CDC123: variants seen among roughly 807,000 people sequenced by gnomAD.
CDC123 encodes cell division cycle 123.
Under a neutral mutation model 54.4 loss-of-function variants are expected in CDC123, and 37 were observed. The ratio of observed to expected loss-of-function variants is 0.68; its 90% CI spans 0.52 to 0.89. The LOEUF (loss-of-function observed/expected upper bound fraction) is 0.89. Among genes scored for constraint, CDC123 ranks in the 40% least tolerant of loss-of-function variants. The pLI is 0.00. For synonymous variants in CDC123, 144 were observed against 136.8 expected (o/e 1.05, Z -0.37); for missense variants, 361 against 412.1 (o/e 0.88, Z 1.07).
intron 2 of CDC123, among the ~76,000 whole-genome samples, chr10:12,201,239 C>A (rs35800395): frequency 0.5 from 75,265 of 152,034 alleles, 19,184 homozygotes; most frequent in Middle Eastern, 0.62. Flanking sequence ...GTCTAATGCC[C>A]ACTATATTGT....
chr10:12,248,731 G>C (rs4750193), intron 11 of CDC123, among the ~76,000 whole-genome samples: 75,584 of 151,440 alleles, frequency 0.5, 19,732 homozygotes, highest in Middle Eastern at 0.62. Context: ...GCTTGAACCT[G>C]GGAGGTGGAG....
Position 12,246,168 on chromosome 10 carries a change from A to G in CDC123, c.737A>G (p.Asp246Gly). 4 of 1,614,084 alleles carry G rather than the reference A, an allele frequency of 2.5e-6. No individual in the cohort carries two copies. The highest frequency in any genetic ancestry group is 3.4e-6 in the Non-Finnish European group (4 of 1,179,966). Residue 246 changes from aspartate to glycine, a missense_variant, in exon 11 of 13, where the codon GAC (aspartate) becomes GGC (glycine). Transcript: ENST00000281141. ...RDSRGKVWLI[D>G]FNPFGEVTDS... The stretch of plus-strand genomic sequence containing the variant: ...CTACAGGGGAAGGTGTGGCTCATTG[A>G]CTTTAATCCATTTGGTGAAGTCACA...
At chr10:12,198,870 T>A (rs1835399969) in intron 2 of CDC123, 94 bp downstream of exon 2, 1 of 716,376 alleles carries the variant, frequency 1.4e-6, no homozygotes, top group Non-Finnish European at 2.5e-6. Flanking sequence ...TCCCTTTAGC[T>A]CTTTTTCTCT....
At chr10:12,225,661 T>C (rs893479546) in intron 6 of CDC123, among the ~76,000 whole-genome samples, 7 of 148,192 alleles carry the variant, frequency 4.7e-5, no homozygotes, top group Non-Finnish European at 7.5e-5. Flanking sequence ...AATCACCCAA[T>C]ACCATCTGCC....
chr10:12,205,790 A>G (rs1835510935), intron 2 of CDC123, among the ~76,000 whole-genome samples: 1 of 151,886 alleles, frequency 6.6e-6, no homozygotes. Flanking sequence ...GCCAAGTCTA[A>G]TAAACTTTCA....
chr10:12,199,563 C>T lies in CDC123; in HGVS notation c.146+787C>T, dbSNP rs553351582. The stretch of plus-strand genomic sequence containing the variant: ...TGATATAGCAGAAGTGCTTGATAAA[C>T]ATTTGTTGGATGAAGGAACTATAGA... On this transcript the variant is annotated intron_variant, in intron 2 of 12. Coordinates refer to ENST00000281141, the MANE Select transcript of CDC123 (RefSeq NM_006023.3). Among the ~76,000 whole-genome samples, 15 of 152,266 alleles carry T rather than the reference C, an allele frequency of 9.9e-5. No homozygotes were observed. The South Asian group carries it at 3.1e-3, about 32-fold the overall frequency.
intron 5 of CDC123, 81 bp downstream of exon 5, chr10:12,215,916 G>T: frequency 1.3e-6 from 1 of 786,752 alleles, no homozygotes; most frequent in African/African-American, 1.8e-5. Flanking sequence ...CCTACAGAGG[G>T]TCTAATTATA....
chr10:12,205,962 C>A (rs765382137), intron 2 of CDC123, among the ~76,000 whole-genome samples: 2 of 149,200 alleles, frequency 1.3e-5, no homozygotes, highest in Non-Finnish European at 1.5e-5. Flanking sequence ...CCACGCCCAG[C>A]TAATTTTTTT....
intron 2 of CDC123, among the ~76,000 whole-genome samples, chr10:12,200,119 C>CCTTTTTTT (rs1564431631): frequency 0.02 from 482 of 24,194 alleles, 13 homozygotes; most frequent in African/African-American, 0.052. Context: ...CCGCACTCGG[C>CCTTTTTTT]ATTTTTTTTT....
chr10:12,232,783 CCTTT>C, intron 7 of CDC123, among the ~76,000 whole-genome samples: 1 of 122,650 alleles, frequency 8.2e-6, no homozygotes, highest in Non-Finnish European at 1.9e-5. Flanking sequence ...CATTTCCTTA[CCTTT>C]CTTTTTTTTT....
chr10:12,198,936 A>C, intron 2 of CDC123, 160 bp downstream of exon 2: 5 of 544,432 alleles, frequency 9.2e-6, no homozygotes, highest in South Asian at 2.4e-5. Context: ...ATGTTCACTT[A>C]ATATTTTCAA....
chr10:12,245,675 A>G (rs960761849), intron 10 of CDC123: 1 of 152,478 alleles, frequency 6.6e-6, no homozygotes, highest in African/African-American at 2.4e-5. Context: ...CCCTCCCTTT[A>G]GATCTCTGTC....
intron 11 of CDC123, chr10:12,247,475 T>G (rs1197181596): frequency 6.8e-6 from 1 of 146,868 alleles, no homozygotes; most frequent in Non-Finnish European, 1.5e-5. Flanking sequence ...TGTCCCCCTC[T>G]CTCACCTCCC....
intron 5 of CDC123, among the ~76,000 whole-genome samples, chr10:12,216,883 C>T (rs1456560375): frequency 6.6e-6 from 1 of 152,166 alleles, no homozygotes; most frequent in African/African-American, 2.4e-5. Flanking sequence ...AATAGCTCAC[C>T]TCCTTCTCTT....
chr10:12,219,286 T>C (rs1003429647), intron 6 of CDC123, among the ~76,000 whole-genome samples: 1 of 152,196 alleles, frequency 6.6e-6, no homozygotes, highest in African/African-American at 2.4e-5. Flanking sequence ...ATGTTTATTG[T>C]ATAAGGATTT....
chr10:12,206,709 A>G (rs986978685), intron 2 of CDC123, among the ~76,000 whole-genome samples: 1 of 152,170 alleles, frequency 6.6e-6, no homozygotes, highest in South Asian at 2.1e-4. Context: ...CTGTAATCCC[A>G]GTGCTTTAGG....
chr10:12,248,866 T>C (rs1836196080), intron 11 of CDC123, among the ~76,000 whole-genome samples: 2 of 151,996 alleles, frequency 1.3e-5, no homozygotes, highest in African/African-American at 2.4e-5. Flanking sequence ...TCCCAGCACT[T>C]TGGGAGGCCG....
chr10:12,221,792 T>C (rs1455158272), intron 6 of CDC123, among the ~76,000 whole-genome samples: 5 of 151,450 alleles, frequency 3.3e-5, no homozygotes, highest in Non-Finnish European at 7.4e-5. Flanking sequence ...TTTATTTATT[T>C]TTTATTTACT....
chr10:12,209,349 G>A (rs754750474), intron 2 of CDC123, among the ~76,000 whole-genome samples: 25 of 152,046 alleles, frequency 1.6e-4, no homozygotes, highest in Non-Finnish European at 2.9e-4. Context: ...GGATCCTTCT[G>A]TGTCAGCTTC....
Sources: allele counts gnomAD v4.1 joint callset (sites outside exome capture counted in the v4.1 genomes callset), GRCh38; gene constraint gnomAD v4.1.1; transcripts MANE v1.5; gene names NCBI Gene and HGNC (gene_info 2026-07-23, HGNC 2026-07-21).